Variants in BBS9 observed in about 807,000 individuals in gnomAD.
The protein encoded by BBS9 is protein PTHB1.
Under a neutral mutation model 117.7 loss-of-function variants are expected in BBS9, and 89 were observed. The observed-to-expected ratio is 0.76, with a 90% confidence interval of 0.64 to 0.90. The LOEUF is 0.90. Among genes scored for constraint, BBS9 ranks in the 40% least tolerant of loss-of-function variants. The pLI is 0.00. For synonymous variants in BBS9, 379 were observed against 370.9 expected (o/e 1.02, Z -0.25); for missense variants, 982 against 1,042.2 (o/e 0.94, Z 0.80).
chr7:33,430,769 C>T (rs1237051137), intron 19 of BBS9, among the ~76,000 whole-genome samples: 4 of 152,138 alleles, frequency 2.6e-5, no homozygotes, highest in East Asian at 1.9e-4. Flanking sequence ...ATGAGTGTTT[C>T]GATCATAAGA....
chr7:33,379,596 A>T (rs1824568900), intron 17 of BBS9, among the ~76,000 whole-genome samples: 1 of 152,206 alleles, frequency 6.6e-6, no homozygotes, highest in East Asian at 1.9e-4. Flanking sequence ...AGTAAATCGT[A>T]TGCTAAAGAA....
chr7:33,604,434 C>T (rs913654682), intron 21 of BBS9, among the ~76,000 whole-genome samples: 1 of 152,110 alleles, frequency 6.6e-6, no homozygotes, highest in African/African-American at 2.4e-5. Context: ...CCCAGAACAC[C>T]AGCAACCTTT....
At chr7:33,583,321 T>C (rs1415138874) in intron 21 of BBS9, among the ~76,000 whole-genome samples, 2 of 152,244 alleles carry the variant, frequency 1.3e-5, no homozygotes, top group East Asian at 3.9e-4. Flanking sequence ...CCATGATAGA[T>C]AGATAAATAG....
chr7:33,483,032 A>G (rs910338430), intron 19 of BBS9, among the ~76,000 whole-genome samples: 7 of 152,062 alleles, frequency 4.6e-5, no homozygotes, highest in South Asian at 2.1e-4. Flanking sequence ...AAAAGGGGCA[A>G]TTTTACATTT....
intron 19 of BBS9, among the ~76,000 whole-genome samples, chr7:33,430,960 G>A (rs935813412): frequency 2.6e-5 from 4 of 151,894 alleles, no homozygotes; most frequent in South Asian, 2.1e-4. Context: ...AGGCTGAGGC[G>A]GGTGGATCGC....
At chr7:33,414,521 C>T (rs191746434) in intron 19 of BBS9, among the ~76,000 whole-genome samples, 38 of 152,238 alleles carry the variant, frequency 2.5e-4, no homozygotes, top group Non-Finnish European at 4.9e-4. Flanking sequence ...TGTGTGTATA[C>T]ATGCATGCAT....
rs746053978 is a variant in BBS9 at position 33,357,954 on chromosome 7, A to G, written c.1652A>G (p.Asp551Gly). 4 of 1,612,660 alleles carry G rather than the reference A, an allele frequency of 2.5e-6. No homozygotes were observed. The South Asian group carries it at 3.3e-5, about 13-fold the overall frequency. The change falls in exon 16 of 23, where the codon GAT becomes GGT. Residue 551 changes from aspartate to glycine, a missense_variant. Physicochemically the swap from Asp to Gly is moderately conservative, Grantham distance 94. Coordinates refer to ENST00000242067, the MANE Select transcript of BBS9 (RefSeq NM_198428.3). ...SKTASHKITI[D>G]TNKSPVSLLS... is the part of the protein sequence containing the mutation. ...ACTGCAAGCCACAAAATTACTATTG[A>G]TACCAACAAATCTCCAGTCAGTCTT... is the stretch of plus-strand genomic sequence containing the variant.
At chr7:33,489,196 G>A (rs899612426) in intron 19 of BBS9, among the ~76,000 whole-genome samples, 6 of 151,834 alleles carry the variant, frequency 4.0e-5, no homozygotes, top group Non-Finnish European at 7.4e-5. Context: ...GTTTCGCCAT[G>A]TTGGCCAGGC....
chr7:33,365,336 A>G (rs909746996), intron 16 of BBS9, among the ~76,000 whole-genome samples: 2 of 152,090 alleles, frequency 1.3e-5, no homozygotes, highest in South Asian at 2.1e-4. Flanking sequence ...ACCTTCTTCT[A>G]TGGGAAGGTC....
chr7:33,342,710 G>A (rs1003180940), intron 11 of BBS9, among the ~76,000 whole-genome samples: 1 of 151,996 alleles, frequency 6.6e-6, no homozygotes, highest in Admixed American at 6.6e-5. Context: ...GTGCCATGAC[G>A]TCTTCTTATA....
chr7:33,414,439 C>A (rs115764237), intron 19 of BBS9, among the ~76,000 whole-genome samples: 2,826 of 152,048 alleles, frequency 0.019, 89 homozygotes, highest in African/African-American at 0.065. Flanking sequence ...TTATAAAATT[C>A]AGATAAAAAT....
chr7:33,303,853 G>A (rs1168585398), intron 9 of BBS9, among the ~76,000 whole-genome samples: 2 of 152,066 alleles, frequency 1.3e-5, no homozygotes, highest in African/African-American at 2.4e-5. Flanking sequence ...ATCTCGGCTC[G>A]CTACAAGGTC....
chr7:33,312,579 A>G (rs1584262156), intron 9 of BBS9, among the ~76,000 whole-genome samples: 1 of 152,196 alleles, frequency 6.6e-6, no homozygotes, highest in Non-Finnish European at 1.5e-5. Flanking sequence ...CTTGCCAGAC[A>G]TTCAAAGGCC....
rs373446119 is a variant in BBS9, at chr7:33,605,255, A to G, written c.*29A>G. The G allele has an allele frequency of 6.5e-4, 1,039 of 1,606,142 alleles. No individual in the cohort carries two copies. The highest frequency in any genetic ancestry group is 8.3e-4 in the Non-Finnish European group (969 of 1,172,896). The stretch of plus-strand genomic sequence containing the variant: ...AAGTAGAGTTGTTTGGTTGAGAGGA[A>G]CATCCCCATCTCAAGGCCGAACCTG... On this transcript the variant is annotated 3_prime_UTR_variant, in exon 23 of 23. Coordinates refer to ENST00000242067, the MANE Select transcript of BBS9 (RefSeq NM_198428.3).
At chr7:33,377,903 T>C (rs1294724777) in intron 17 of BBS9, among the ~76,000 whole-genome samples, 3 of 152,198 alleles carry the variant, frequency 2.0e-5, no homozygotes, top group African/African-American at 7.2e-5. Flanking sequence ...AAAATTCTTC[T>C]GAATGACTTT....
intron 19 of BBS9, among the ~76,000 whole-genome samples, chr7:33,480,325 C>T (rs1295336835): frequency 1.3e-5 from 2 of 152,106 alleles, no homozygotes; most frequent in East Asian, 3.8e-4. Context: ...TAGTTTCTAG[C>T]AATACAGAAG....
At chr7:33,489,290 G>C (rs369196558) in intron 19 of BBS9, among the ~76,000 whole-genome samples, 2 of 149,890 alleles carry the variant, frequency 1.3e-5, no homozygotes, top group African/African-American at 4.9e-5. Context: ...CACTGCACCC[G>C]GCCAGGACAG....
At chr7:33,576,924 C>A (rs76670622) in intron 21 of BBS9, among the ~76,000 whole-genome samples, 54,369 of 152,016 alleles carry the variant, frequency 0.36, 14,119 homozygotes, top group African/African-American at 0.73. Context: ...TAAAGACTTA[C>A]ATGTTAGACC....
intron 19 of BBS9, among the ~76,000 whole-genome samples, chr7:33,395,019 G>A (rs1057249484): frequency 2.6e-5 from 4 of 152,116 alleles, no homozygotes; most frequent in East Asian, 1.9e-4. Context: ...TGTCAGGTGG[G>A]ACATAGACAG....
Sources: gnomAD v4.1 joint callset for allele counts (sites outside exome capture counted in the v4.1 genomes callset) on GRCh38, gnomAD v4.1.1 for gene constraint, MANE v1.5 for transcripts, NCBI Gene and HGNC (gene_info 2026-07-23, HGNC 2026-07-21) for gene names.